The following ATP8B4 variants were observed in gnomAD, a reference collection of about 807,000 sequenced individuals.
The protein encoded by ATP8B4 is probable phospholipid-transporting ATPase IM.
Under a neutral mutation model 145.6 loss-of-function variants are expected in ATP8B4, and 133 were observed. The observed-to-expected ratio is 0.91, with a 90% confidence interval of 0.79 to 1.05. The LOEUF (loss-of-function observed/expected upper bound fraction) is 1.05. Ranked by LOEUF, ATP8B4 falls within the 50% of genes least tolerant of loss-of-function variation. ATP8B4 has a pLI of 0.00. For synonymous variants in ATP8B4, 507 were observed against 492.9 expected (o/e 1.03, Z -0.38); for missense variants, 1,458 against 1,425.2 (o/e 1.02, Z -0.37).
At chr15:49,877,730 C>T (rs1244737433) in intron 24 of ATP8B4, among the ~76,000 whole-genome samples, 1 of 152,080 alleles carries the variant, frequency 6.6e-6, no homozygotes, top group African/African-American at 2.4e-5. Context: ...ACAATAACAC[C>T]TCCCACATGG....
At chr15:49,918,571 G>C (rs1173479338) in intron 19 of ATP8B4, among the ~76,000 whole-genome samples, 1 of 152,090 alleles carries the variant, frequency 6.6e-6, no homozygotes, top group Admixed American at 6.5e-5. Flanking sequence ...TACCATTTTT[G>C]CCTCTAGGTG....
intron 1 of ATP8B4, among the ~76,000 whole-genome samples, chr15:50,129,055 G>A (rs761510965): frequency 1.2e-4 from 19 of 152,242 alleles, no homozygotes; most frequent in Non-Finnish European, 2.4e-4. Context: ...GTGACAGAGC[G>A]AGACTCCGTC....
In ATP8B4 at chr15:49,949,588, T is replaced by C. The variant is rs927523023; in HGVS notation, c.1287+12389A>G. Among the ~76,000 whole-genome samples, 6 of 152,292 alleles carry C rather than the reference T, an allele frequency of 3.9e-5. No individual in the cohort carries two copies. The South Asian group carries it at 1.2e-3, about 32-fold the overall frequency. On this transcript the variant is annotated intron_variant, in intron 14 of 27. Coordinates refer to ENST00000284509, the MANE Select transcript of ATP8B4 (RefSeq NM_024837.4). ...TTTGTGCTGAGACGATGGGGTTTTC[T>C]AAATATAAAATCATATCGTATGCCA...
chr15:49,988,048 C>G (rs1183552831), intron 9 of ATP8B4, among the ~76,000 whole-genome samples: 1 of 152,150 alleles, frequency 6.6e-6, no homozygotes, highest in Non-Finnish European at 1.5e-5. Context: ...AGAAAGAAAC[C>G]TGGGCCTTGT....
intron 3 of ATP8B4, among the ~76,000 whole-genome samples, chr15:50,063,705 G>A (rs2053185810): frequency 6.6e-6 from 1 of 152,072 alleles, no homozygotes; most frequent in Non-Finnish European, 1.5e-5. Flanking sequence ...TATTGTGTTT[G>A]ACTTTGGAGG....
chr15:50,152,851 T>C (rs2044364375), intron 1 of ATP8B4, among the ~76,000 whole-genome samples: 1 of 152,238 alleles, frequency 6.6e-6, no homozygotes, highest in South Asian at 2.1e-4. Context: ...TTGAAATTTA[T>C]CTTGATAAAA....
At chr15:50,142,809 T>C (rs891029282) in intron 1 of ATP8B4, among the ~76,000 whole-genome samples, 1 of 152,098 alleles carries the variant, frequency 6.6e-6, no homozygotes, top group South Asian at 2.1e-4. Context: ...CCAAAGTCAG[T>C]AGGCATGCAG....
chr15:50,114,103 C>CTTTCTTTTTTTTTTTTTTTT (rs1555494034), intron 1 of ATP8B4, among the ~76,000 whole-genome samples: 5 of 55,644 alleles, frequency 9.0e-5, no homozygotes, highest in African/African-American at 6.7e-5. Flanking sequence ...CTCCTAGTTT[C>CTTTCTTTTTTTTTTTTTTTT]TTTTTTTTTT....
At chr15:49,954,300 CCTGA>C (rs1165965210) in intron 14 of ATP8B4, among the ~76,000 whole-genome samples, 8 of 151,986 alleles carry the variant, frequency 5.3e-5, no homozygotes, top group Admixed American at 4.6e-4. Flanking sequence ...TCTAGAGAAC[CCTGA>C]CTAATACAGC....
At chr15:50,116,946 T>C (rs779318700) in intron 1 of ATP8B4, among the ~76,000 whole-genome samples, 1 of 152,204 alleles carries the variant, frequency 6.6e-6, no homozygotes, top group Non-Finnish European at 1.5e-5. Flanking sequence ...TATTTTTTAA[T>C]ATCTTTTCAT....
At chr15:49,935,414 A>T (rs1263407338) in intron 14 of ATP8B4, among the ~76,000 whole-genome samples, 1 of 152,142 alleles carries the variant, frequency 6.6e-6, no homozygotes, top group Admixed American at 6.6e-5. Flanking sequence ...ATACTTTGCC[A>T]TAACAACTCC....
At chr15:50,087,762 C>G (rs1317609553) in intron 2 of ATP8B4, among the ~76,000 whole-genome samples, 1 of 151,950 alleles carries the variant, frequency 6.6e-6, no homozygotes, top group East Asian at 1.9e-4. Flanking sequence ...AAAATTTTTT[C>G]TAAGCTACCA....
chr15:49,884,273 A>G (rs372323464), intron 23 of ATP8B4, among the ~76,000 whole-genome samples: 243 of 152,260 alleles, frequency 1.6e-3, no homozygotes, highest in African/African-American at 5.6e-3. Context: ...TGACCACTAC[A>G]TGAAACCACC....
At chr15:50,127,764 T>C (rs899652671) in intron 1 of ATP8B4, among the ~76,000 whole-genome samples, 1 of 152,162 alleles carries the variant, frequency 6.6e-6, no homozygotes, top group African/African-American at 2.4e-5. Context: ...ATAAAACTGT[T>C]CAAGGCAGCT....
Position 49,861,473 on chromosome 15 carries a change from T to TCTATCTATCTAC in ATP8B4, c.3297+771_3297+772insGTAGATAGATAG, listed in dbSNP as rs1285604644. ...GTCTGTCTATCTATCTATCTATCTATCTACCTACCTACCTACCTACCTACC... is the reference window on the plus strand; with the variant it reads ...GTCTGTCTATCTATCTATCTATCTATCTATCTATCTACCTACCTACCTACCTACCTACCTACC... On this transcript the variant is annotated intron_variant, in intron 27 of 27. Transcript: ENST00000284509. Among the ~76,000 whole-genome samples the TCTATCTATCTAC allele has an allele frequency of 2.5e-3, 338 of 135,652 alleles. 1 individual carries two copies. The highest frequency in any genetic ancestry group is 7.1e-3 in the Middle Eastern group (2 of 282). The allele number at this position is 135,652 out of a possible 152,430, so 89.0% of individuals were successfully genotyped here. A position where few individuals can be genotyped will look rare whatever the true frequency, so the allele number is the denominator to read the frequency against.
chr15:49,966,052 T>C (rs2044508968), intron 13 of ATP8B4, among the ~76,000 whole-genome samples: 1 of 152,106 alleles, frequency 6.6e-6, no homozygotes, highest in African/African-American at 2.4e-5. Context: ...AGGGAAGCCT[T>C]GAGGGACTGT....
chr15:50,165,405 C>T (rs115698142), intron 1 of ATP8B4, among the ~76,000 whole-genome samples: 139 of 152,258 alleles, frequency 9.1e-4, no homozygotes, highest in African/African-American at 3.3e-3. Context: ...GTTCACTCAC[C>T]TGGTTTTTTT....
chr15:49,978,362 G>A (rs1340424790), intron 12 of ATP8B4, among the ~76,000 whole-genome samples: 1 of 152,076 alleles, frequency 6.6e-6, no homozygotes, highest in Non-Finnish European at 1.5e-5. Context: ...AGCCCTCTCT[G>A]ACCACAGCTC....
intron 14 of ATP8B4, among the ~76,000 whole-genome samples, chr15:49,958,825 T>C (rs1158588614): frequency 6.6e-6 from 1 of 151,854 alleles, no homozygotes; most frequent in Non-Finnish European, 1.5e-5. Context: ...TGTAAGAACA[T>C]TATCTAAGAG....
Sources: allele counts gnomAD v4.1 joint callset (sites outside exome capture counted in the v4.1 genomes callset), GRCh38; gene constraint gnomAD v4.1.1; transcripts MANE v1.5; gene names NCBI Gene and HGNC (gene_info 2026-07-23, HGNC 2026-07-21).